The following SNRNP200 variants were observed in gnomAD, a reference collection of about 807,000 sequenced individuals.
SNRNP200 encodes the protein small nuclear ribonucleoprotein U5 subunit 200, also known as U5 small nuclear ribonucleoprotein 200 kDa helicase.
A neutral mutation model predicts 255.2 loss-of-function variants in SNRNP200; 66 were observed. The observed-to-expected ratio is 0.26, with a 90% CI of 0.21 to 0.32. The LOEUF (loss-of-function observed/expected upper bound fraction) is 0.32, where lower values mean the gene tolerates loss of function less well. SNRNP200 is among the 10% of genes least tolerant of loss of function. SNRNP200 has a pLI of 1.00. For missense variants in SNRNP200, 1,585 were observed against 2,749.8 expected, an observed-to-expected ratio of 0.58 and a Z score of 9.47; for synonymous variants, 939 against 1,027.8, an observed-to-expected ratio of 0.91 and a Z score of 1.65.
At position 96,287,041 on chromosome 2, in the gene SNRNP200, G is replaced by C; in HGVS notation, c.3604C>G (p.Leu1202Val). 1 of 1,614,234 alleles carries C rather than the reference G, an allele frequency of 6.2e-7. No homozygotes were observed. The highest frequency in any genetic ancestry group is 8.5e-7 in the Non-Finnish European group (1 of 1,180,032). ...PITRSTLKVE[L>V]TITPDFQWDE... ...CACTGGAAGTCTGGCGTGATGGTCA[G>C]CTCCACCTTCAGGGTGGAGCGTGTG... The change falls in exon 27 of 45, where the codon CTG becomes GTG. Residue 1202 changes from leucine (L) to valine (V), a missense_variant. Transcript: ENST00000323853. This position sits in a 1 kb window ranked among gnomAD's most constrained non-coding sequence, Gnocchi z 5.7.
chr2:96,279,974 C>T (rs62153039), intron 35 of SNRNP200, among the ~76,000 whole-genome samples: 44,850 of 152,066 alleles, frequency 0.29, 7,369 homozygotes, highest in South Asian at 0.67. Context: ...GGCACAGCCA[C>T]GGCTCACTGC....
At position 96,298,301 on chromosome 2, in the gene SNRNP200, T is replaced by C. The variant is rs769775033; in HGVS notation, c.1102A>G (p.Lys368Glu). ...GTCCTTACTCGGATCAGATCCTCCTTCTCGGTTTCATGAAGCTGGTAGAGG... is the reference window on the plus strand; with the variant it reads ...GTCCTTACTCGGATCAGATCCTCCTCCTCGGTTTCATGAAGCTGGTAGAGG... Reference protein sequence around the residue: ...KFLYQLHETEKEDLIREERSR... With the variant: ...KFLYQLHETEEEDLIREERSR... Residue 368 changes from lysine to glutamate, a missense_variant, in exon 9 of 45, where the codon AAG (lysine) becomes GAG (glutamate). Physicochemically the swap from Lys to Glu is moderately conservative, Grantham distance 56. This residue lies in a region of SNRNP200 where 383 missense variants were observed against 645.3 expected (regional missense o/e 0.59). Coordinates refer to ENST00000323853, the MANE Select transcript of SNRNP200 (RefSeq NM_014014.5). The C allele has an allele frequency of 3.1e-6, 5 of 1,614,094 alleles. No individual in the cohort carries two copies. In the African/African-American group the frequency reaches 6.7e-5, roughly 22 times the overall value.
chr2:96,275,046 A>G lies in SNRNP200; in HGVS notation c.6377T>C (p.Val2126Ala). The G allele has an allele frequency of 6.2e-7, 1 of 1,614,230 alleles. No homozygotes were observed. The highest frequency in any genetic ancestry group is 1.1e-5 in the South Asian group (1 of 91,084). ...CDQEYKFSVD[V>A]KEAETDSDSD ...ATCACTGTCTGTCTCAGCTTCTTTC[A>G]CATCCACGCTGAATTTGTACTCCTG... The change falls in exon 45 of 45, where the codon GTG (valine) becomes GCG (alanine). Residue 2126 changes from valine to alanine, a missense_variant. Val to Ala is a moderately conservative substitution (Grantham distance 64, BLOSUM62 0). This residue lies in a region of SNRNP200 where 279 missense variants were observed against 551.2 expected (regional missense o/e 0.51). Transcript: ENST00000323853.
At chr2:96,279,398 A>G in intron 36 of SNRNP200, 53 bp downstream of exon 36, 1 of 1,132,356 alleles carries the variant, frequency 8.8e-7, no homozygotes, top group Non-Finnish European at 1.3e-6. Flanking sequence ...GAAAGATTAA[A>G]GAATCCATTC....
chr2:96,279,192 G>A, intron 36 of SNRNP200, 194 bp from the exon 37 acceptor site: 1 of 659,760 alleles, frequency 1.5e-6, no homozygotes, highest in East Asian at 2.7e-5. Context: ...AGTCACGAGG[G>A]CAGAGCAGTG....
At chr2:96,289,498 C>G (rs761014737) in intron 21 of SNRNP200, 119 bp from the exon 22 acceptor site, 6 of 1,065,934 alleles carry the variant, frequency 5.6e-6, no homozygotes, top group Non-Finnish European at 8.5e-6. Flanking sequence ...AAGTATATGA[C>G]CCAATGTCAT....
intron 24 of SNRNP200, 39 bp downstream of exon 24, chr2:96,288,624 A>C (rs775138756): frequency 4.5e-5 from 70 of 1,550,436 alleles, no homozygotes; most frequent in Non-Finnish European, 6.1e-5. Context: ...TGAACTGTTC[A>C]GGCCCCTTCT....
intron 35 of SNRNP200, chr2:96,279,894 A>T (rs1573989353): frequency 3.1e-6 from 1 of 325,316 alleles, no homozygotes; most frequent in East Asian, 8.0e-5. Flanking sequence ...TTTAATTAAA[A>T]AAAATTATTA....
intron 43 of SNRNP200, 150 bp downstream of exon 43, chr2:96,276,754 A>C (rs1459441428): frequency 3.2e-5 from 27 of 852,050 alleles, no homozygotes; most frequent in Non-Finnish European, 5.1e-5. Context: ...CAGAAAAAAA[A>C]CCCCATAGCC....
chr2:96,281,969 T>C, intron 34 of SNRNP200, 47 bp from the exon 35 acceptor site: 2 of 1,441,592 alleles, frequency 1.4e-6, no homozygotes, highest in Non-Finnish European at 2.0e-6. Context: ...GGTCTCCGGG[T>C]GAAGTAGGCT....
Position 96,274,807 on chromosome 2 carries a change from G to C in SNRNP200, c.*205C>G. On this transcript the variant is annotated 3_prime_UTR_variant, in exon 45 of 45. Transcript: ENST00000323853. ...GAACATGCCTGAAAATGCTATATAT[G>C]ATTTATGCTTGACCCATGACACCTG... 1.6e-6 allele frequency: 1 copy of C among 622,226 alleles called. No individual in the cohort carries two copies. Among genetic ancestry groups the C allele is most frequent in the Non-Finnish European group, 2.9e-6 (1 of 348,512 alleles). 38.5% of individuals were successfully genotyped at this position (622,226 alleles called of 1,614,324 possible).
chr2:96,301,782 T>G (rs889028012), intron 3 of SNRNP200, 66 bp from the exon 4 acceptor site: 20 of 1,572,340 alleles, frequency 1.3e-5, no homozygotes, highest in Non-Finnish European at 1.7e-5. Flanking sequence ...CAACCAGGTG[T>G]ATGTGGCGGC....
chr2:96,284,907 G>A (rs1487298918), intron 30 of SNRNP200: 13 of 533,842 alleles, frequency 2.4e-5, no homozygotes, highest in Non-Finnish European at 3.7e-5. Flanking sequence ...ACACCACCAC[G>A]CCCAGCTAAT....
chr2:96,293,256 A>T (rs1020133661), intron 15 of SNRNP200, 60 bp downstream of exon 15: 3 of 1,587,922 alleles, frequency 1.9e-6, no homozygotes, highest in African/African-American at 1.3e-5. Flanking sequence ...ACTCCTTGGA[A>T]AAGAGGAAAG....
Position 96,291,529 on chromosome 2 carries a change from G to A in SNRNP200, c.2311-27C>T. ...TGTGGAACAAAGAACCGGGGATGAG[G>A]CGAGCCTTCCTGTAGGACTCATCCA... is the stretch of plus-strand genomic sequence containing the variant. On this transcript the variant is annotated intron_variant, in intron 17 of 44. Coordinates refer to ENST00000323853, the MANE Select transcript of SNRNP200 (RefSeq NM_014014.5). The surrounding 1 kb of genome is among the most constrained non-coding windows in gnomAD (Gnocchi z 4.2). 1 of 1,484,250 alleles carries A rather than the reference G, an allele frequency of 6.7e-7. No homozygotes were observed. Among genetic ancestry groups the A allele is most frequent in the Non-Finnish European group, 9.4e-7 (1 of 1,061,808 alleles). 91.9% of individuals were successfully genotyped at this position (1,484,250 alleles called of 1,614,324 possible).
intron 14 of SNRNP200, among the ~76,000 whole-genome samples, chr2:96,293,744 G>A (rs1306278258): frequency 6.6e-6 from 1 of 152,126 alleles, no homozygotes; most frequent in Non-Finnish European, 1.5e-5. Flanking sequence ...TTTGTATAAA[G>A]AAATTCTGAA....
Position 96,286,581 on chromosome 2 carries a change from T to G in SNRNP200, c.3830-97A>C, listed in dbSNP as rs2063844820. 14 of 1,584,906 alleles carry G rather than the reference T, an allele frequency of 8.8e-6. No homozygotes were observed. In the South Asian group the frequency reaches 1.4e-4, roughly 16 times the overall value. On this transcript the variant is annotated intron_variant, in intron 28 of 44. Coordinates refer to ENST00000323853, the MANE Select transcript of SNRNP200 (RefSeq NM_014014.5). This position sits in a 1 kb window ranked among gnomAD's most constrained non-coding sequence, Gnocchi z 4.8. ...GAACACTGGAAACCTAGGCAGCATA[T>G]GTATCACTCTGTCCCCAGCAAGGGC...
chr2:96,284,563 T>G lies in SNRNP200; in HGVS notation c.4187A>C (p.Lys1396Thr). 6.2e-7 allele frequency: 1 copy of G among 1,613,906 alleles called. No individual in the cohort carries two copies. Among genetic ancestry groups the G allele is most frequent in the East Asian group, 2.2e-5 (1 of 44,868 alleles). ...CTTCTTGTTGAGCCTGTCCTGGAAC[T>G]TCTCGTACCAGTCCATGTATACCTG... ...AEQVYMDWYE[K>T]FQDRLNKKVV... is the part of the protein sequence containing the mutation. Residue 1396 changes from lysine to threonine, a missense_variant, in exon 31 of 45, where the codon AAG (lysine) becomes ACG (threonine). Lys to Thr is a moderately conservative substitution (Grantham distance 78). This residue lies in a region of SNRNP200 where 719 missense variants were observed against 1,091.1 expected (regional missense o/e 0.66). Coordinates refer to ENST00000323853, the MANE Select transcript of SNRNP200 (RefSeq NM_014014.5).
rs374729024 is a variant in SNRNP200 at position 96,290,000 on chromosome 2, C to T, written c.2743-4G>A. ...AGCCCAGCCAGTTCACCGCATCCTA[C>T]AAGACACAGCTCATGGTTCTTAGCA... On this transcript the variant is annotated splice_region_variant and splice_polypyrimidine_tract_variant and intron_variant, in intron 20 of 44. Coordinates refer to ENST00000323853, the MANE Select transcript of SNRNP200 (RefSeq NM_014014.5). 24 of 1,614,034 alleles carry T rather than the reference C, an allele frequency of 1.5e-5. No individual in the cohort carries two copies. The African/African-American group carries it at 3.1e-4, about 21-fold the overall frequency.
Sources: allele counts gnomAD v4.1 joint callset (sites outside exome capture counted in the v4.1 genomes callset), GRCh38; gene constraint gnomAD v4.1.1; regional missense constraint gnomAD v4.1.1; non-coding constraint Gnocchi (gnomAD v3.1); transcripts MANE v1.5; gene names NCBI Gene and HGNC (gene_info 2026-07-23, HGNC 2026-07-21).